The following FCHSD2 variants were observed in gnomAD, a reference collection of about 807,000 sequenced individuals.
FCHSD2 encodes the protein F-BAR and double SH3 domains protein 2.
A neutral mutation model predicts 108.1 loss-of-function variants in FCHSD2; 38 were observed. The ratio of observed to expected loss-of-function variants is 0.35; its 90% CI spans 0.27 to 0.46. FCHSD2 has a LOEUF of 0.46. Among genes scored for constraint, FCHSD2 ranks in the 20% least tolerant of loss-of-function variants. FCHSD2 has a pLI of 1.00. For synonymous variants in FCHSD2, 279 were observed against 314.7 expected (o/e 0.89, Z 1.20); for missense variants, 751 against 897.8 (o/e 0.84, Z 2.09).
chr11:73,003,189 A>T (rs1357990862), intron 4 of FCHSD2, among the ~76,000 whole-genome samples: 2 of 152,218 alleles, frequency 1.3e-5, no homozygotes, highest in African/African-American at 2.4e-5. Flanking sequence ...CCTAAGTTCA[A>T]GTTCTAGTTT....
At chr11:73,036,205 G>C (rs893398758) in intron 3 of FCHSD2, among the ~76,000 whole-genome samples, 3 of 151,984 alleles carry the variant, frequency 2.0e-5, no homozygotes, top group African/African-American at 7.3e-5. Context: ...TTGACCTGTG[G>C]GCAGGTTTTA....
intron 2 of FCHSD2, among the ~76,000 whole-genome samples, chr11:73,135,247 T>C (rs1375151926): frequency 6.6e-6 from 1 of 152,222 alleles, no homozygotes; most frequent in African/African-American, 2.4e-5. Context: ...GAAACACAGA[T>C]ACAGGGGAGA....
intron 2 of FCHSD2, among the ~76,000 whole-genome samples, chr11:73,113,148 C>G (rs1160695413): frequency 6.6e-6 from 1 of 151,968 alleles, no homozygotes; most frequent in African/African-American, 2.4e-5. Context: ...AGAATTTCTG[C>G]TTGATTTTTT....
chr11:73,029,276 T>C (rs982113897), intron 3 of FCHSD2, among the ~76,000 whole-genome samples: 1 of 152,126 alleles, frequency 6.6e-6, no homozygotes, highest in Non-Finnish European at 1.5e-5. Flanking sequence ...ATTCTGAGAA[T>C]AAGGCAGAGC....
At chr11:72,965,886 CAG>C (rs1486821375) in intron 8 of FCHSD2, among the ~76,000 whole-genome samples, 1 of 152,140 alleles carries the variant, frequency 6.6e-6, no homozygotes, top group African/African-American at 2.4e-5. Flanking sequence ...AGTCATAAAA[CAG>C]AACACAATAC....
intron 3 of FCHSD2, among the ~76,000 whole-genome samples, chr11:73,053,534 A>C (rs1858951649): frequency 6.6e-6 from 1 of 152,194 alleles, no homozygotes. Context: ...CTCTAAACTG[A>C]GTGTTGTTAA....
intron 12 of FCHSD2, among the ~76,000 whole-genome samples, chr11:72,868,908 A>T (rs576447410): frequency 1.8e-3 from 275 of 150,874 alleles, no homozygotes; most frequent in Non-Finnish European, 3.0e-3. Flanking sequence ...TTTTTTTTTT[A>T]AATTTTTTAT....
At chr11:73,101,203 G>A (rs1860217156) in intron 2 of FCHSD2, among the ~76,000 whole-genome samples, 2 of 152,090 alleles carry the variant, frequency 1.3e-5, no homozygotes, top group East Asian at 1.9e-4. Flanking sequence ...TTCATAAAAA[G>A]GCCACATAAA....
intron 2 of FCHSD2, among the ~76,000 whole-genome samples, chr11:73,130,710 C>A (rs1037453472): frequency 6.6e-6 from 1 of 152,056 alleles, no homozygotes; most frequent in African/African-American, 2.4e-5. Flanking sequence ...TTAAACAGAC[C>A]CTCTCAAACT....
chr11:73,123,074 T>C (rs1171324801), intron 2 of FCHSD2, among the ~76,000 whole-genome samples: 1 of 152,192 alleles, frequency 6.6e-6, no homozygotes, highest in Non-Finnish European at 1.5e-5. Flanking sequence ...GATAAATCTG[T>C]AATTAATTAA....
At chr11:72,922,364 C>T (rs781494653) in intron 8 of FCHSD2, among the ~76,000 whole-genome samples, 2 of 152,032 alleles carry the variant, frequency 1.3e-5, no homozygotes, top group Non-Finnish European at 2.9e-5. Flanking sequence ...TAGGATTATA[C>T]ATTGGTATAT....
chr11:73,096,986 G>GTTTT (rs1400831147), intron 2 of FCHSD2, among the ~76,000 whole-genome samples: 3 of 19,474 alleles, frequency 1.5e-4, no homozygotes, highest in Non-Finnish European at 2.5e-4. Flanking sequence ...TTCATTGATG[G>GTTTT]ATTTTTTTTT....
chr11:72,860,970 C>A (rs2135190223), intron 13 of FCHSD2, among the ~76,000 whole-genome samples: 1 of 152,206 alleles, frequency 6.6e-6, no homozygotes, highest in South Asian at 2.1e-4. Context: ...ACTCTCAAAT[C>A]AATGACCTCA....
chr11:73,096,497 G>A (rs1377642909), intron 2 of FCHSD2, among the ~76,000 whole-genome samples: 1 of 152,072 alleles, frequency 6.6e-6, no homozygotes, highest in East Asian at 1.9e-4. Flanking sequence ...GTTGCAGTGA[G>A]CCGAGATTGT....
At chr11:73,044,881 T>G (rs1858721562) in intron 3 of FCHSD2, among the ~76,000 whole-genome samples, 1 of 152,056 alleles carries the variant, frequency 6.6e-6, no homozygotes, top group South Asian at 2.1e-4. Flanking sequence ...CCATCCTGAC[T>G]AACACAGTGA....
At chr11:73,109,206 G>A (rs902282381) in intron 2 of FCHSD2, among the ~76,000 whole-genome samples, 1 of 151,966 alleles carries the variant, frequency 6.6e-6, no homozygotes, top group Non-Finnish European at 1.5e-5. Context: ...AGCTATTCTG[G>A]GTCTTTTGTG....
chr11:72,956,901 G>GTT (rs1323773924), intron 8 of FCHSD2, among the ~76,000 whole-genome samples: 1 of 151,656 alleles, frequency 6.6e-6, no homozygotes, highest in Admixed American at 6.6e-5. Flanking sequence ...GGGTGAGACA[G>GTT]TTTGACATCA....
chr11:72,922,017 C>A, intron 8 of FCHSD2, 67 bp from the exon 9 acceptor site: 1 of 1,175,612 alleles, frequency 8.5e-7, no homozygotes. Context: ...TATCTTCTGC[C>A]TATGAGAAAA....
chr11:73,077,144 G>C (rs1000250184), intron 3 of FCHSD2, among the ~76,000 whole-genome samples: 1 of 147,494 alleles, frequency 6.8e-6, no homozygotes, highest in Non-Finnish European at 1.5e-5. Flanking sequence ...AAAAAAGTTT[G>C]TTACGCTCAT....
Sources: gnomAD v4.1 joint callset for allele counts (sites outside exome capture counted in the v4.1 genomes callset) on GRCh38, gnomAD v4.1.1 for gene constraint, MANE v1.5 for transcripts, NCBI Gene and HGNC (gene_info 2026-07-23, HGNC 2026-07-21) for gene names.